The following CREB3L1 variants were observed in gnomAD, a reference collection of about 807,000 sequenced individuals.
CREB3L1 encodes the protein cyclic AMP-responsive element-binding protein 3-like protein 1.
In CREB3L1, 33 loss-of-function variants were observed where a neutral mutation model predicts 54.5. The ratio of observed to expected loss-of-function variants is 0.61; its 90% CI spans 0.46 to 0.81. CREB3L1 has a LOEUF of 0.81. Among genes scored for constraint, CREB3L1 ranks in the 30% least tolerant of loss-of-function variants. The pLI is 0.00. For synonymous variants in CREB3L1, 284 were observed against 286.4 expected (o/e 0.99, Z 0.08); for missense variants, 656 against 673.3 (o/e 0.97, Z 0.29).
At chr11:46,286,448 T>C (rs1394576489) in intron 1 of CREB3L1, among the ~76,000 whole-genome samples, 1 of 152,224 alleles carries the variant, frequency 6.6e-6, no homozygotes, top group Non-Finnish European at 1.5e-5. Context: ...ATAGACTGTA[T>C]ATCTATCAGT....
chr11:46,307,982 G>C lies in CREB3L1; in HGVS notation c.498G>C (p.Arg166Ser). ...TPLLGLSPLSRLPIPHQAPGE... is the reference protein window; with the variant it reads ...TPLLGLSPLSSLPIPHQAPGE... ...TGCTGGGCCTCAGCCCCTTGTCCAG[G>C]CTGCCCATCCCCCACCAGGTGAGCC... The change falls in exon 3 of 12, where the codon AGG becomes AGC. Residue 166 changes from arginine (R) to serine (S), a missense_variant. Around this residue, in one of 3 missense-constraint regions of CREB3L1, gnomAD observed 339 missense variants for 331.5 expected, o/e 1.02. Coordinates refer to ENST00000621158, the MANE Select transcript of CREB3L1 (RefSeq NM_052854.4). 1 of 1,553,280 alleles carries C rather than the reference G, an allele frequency of 6.4e-7. No individual in the cohort carries two copies. The highest frequency in any genetic ancestry group is 8.7e-7 in the Non-Finnish European group (1 of 1,151,308).
chr11:46,289,267 T>G (rs1939100394), intron 1 of CREB3L1, among the ~76,000 whole-genome samples: 1 of 152,078 alleles, frequency 6.6e-6, no homozygotes, highest in South Asian at 2.1e-4. Flanking sequence ...TAGTCCCAGC[T>G]ACTTGAGAGG....
chr11:46,311,513 T>A (rs1253923439), intron 5 of CREB3L1, among the ~76,000 whole-genome samples: 5 of 151,400 alleles, frequency 3.3e-5, no homozygotes, highest in South Asian at 2.1e-4. Context: ...TTTGTTTGTT[T>A]TTTTTTTTTG....
At chr11:46,310,879 AG>A in intron 4 of CREB3L1, 152 bp from the exon 5 acceptor site, 1 of 1,176,984 alleles carries the variant, frequency 8.5e-7, no homozygotes, top group Non-Finnish European at 1.1e-6. Context: ...GACCCTGCAG[AG>A]GGGCTTCTGA....
rs1361730422 is a variant in CREB3L1, at chr11:46,317,454, CT to C, written c.1226del (p.Leu409ArgfsTer74). 6.2e-7 allele frequency: 1 copy of C among 1,612,638 alleles called. No individual in the cohort carries two copies. Among genetic ancestry groups the C allele is most frequent in the African/African-American group, 1.3e-5 (1 of 74,938 alleles). Reference protein sequence around the residue: ...SGSQTVKEDPLAADGVYTASQ... With the variant: ...SGSQTVKEDPXAADGVYTASQ... ...CTCCCAGACTGTGAAGGAAGACCCC[CT>C]GGCCGCAGACGGCGTCTACACGGCC... is the stretch of plus-strand genomic sequence containing the variant. On this transcript the variant is annotated frameshift_variant, in exon 10 of 12. Coordinates refer to ENST00000621158, the MANE Select transcript of CREB3L1 (RefSeq NM_052854.4). LOFTEE classifies it high-confidence loss of function.
chr11:46,304,786 G>A (rs1162812922), intron 2 of CREB3L1, among the ~76,000 whole-genome samples: 1 of 151,940 alleles, frequency 6.6e-6, no homozygotes, highest in Admixed American at 6.6e-5. Flanking sequence ...CAACCTCCTG[G>A]CCTCAAGCGA....
intron 1 of CREB3L1, among the ~76,000 whole-genome samples, chr11:46,289,265 G>A (rs1054184357): frequency 2.0e-5 from 3 of 152,176 alleles, no homozygotes; most frequent in Non-Finnish European, 2.9e-5. Context: ...TGTAGTCCCA[G>A]CTACTTGAGA....
intron 2 of CREB3L1, among the ~76,000 whole-genome samples, chr11:46,305,763 A>G (rs1590346884): frequency 2.9e-5 from 4 of 135,968 alleles, no homozygotes; most frequent in Admixed American, 7.7e-5. Flanking sequence ...TTTAAGACGG[A>G]GTCTCGCTCT....
In CREB3L1 at chr11:46,308,402, T is replaced by C. The variant is rs181075204; in HGVS notation, c.516+402T>C. ...AAGGAAATTACAAAAAAAAGTGTGC[T>C]ATATTCCAATTGTTTACATTTATGA... On this transcript the variant is annotated intron_variant, in intron 3 of 11. Transcript: ENST00000621158. 3.6e-3 allele frequency among the ~76,000 whole-genome samples: 546 copies of C among 152,354 alleles called. 1 individual carries two copies. Among genetic ancestry groups the C allele is most frequent in the African/African-American group, 0.013 (527 of 41,582 alleles).
intron 1 of CREB3L1, among the ~76,000 whole-genome samples, chr11:46,280,187 TTTG>T (rs1433611847): frequency 8.4e-5 from 12 of 143,652 alleles, no homozygotes; most frequent in African/African-American, 2.1e-4. Context: ...TTTTTTGTTT[TTTG>T]TTTTTTGTTT....
intron 8 of CREB3L1, chr11:46,315,159 C>A: frequency 3.2e-6 from 1 of 310,780 alleles, no homozygotes; most frequent in Non-Finnish European, 6.6e-6. Context: ...TCTTTCCTTC[C>A]TTCTCCCCCA....
intron 8 of CREB3L1, chr11:46,315,164 C>A: frequency 3.1e-6 from 1 of 317,860 alleles, no homozygotes; most frequent in Non-Finnish European, 6.4e-6. Flanking sequence ...CCTTCCTTCT[C>A]CCCCAGCTTC....
intron 2 of CREB3L1, among the ~76,000 whole-genome samples, chr11:46,306,943 A>G (rs1014190981): frequency 3.3e-5 from 5 of 150,178 alleles, no homozygotes; most frequent in Non-Finnish European, 7.4e-5. Flanking sequence ...GTGCGATCTC[A>G]GCCCACTGCA....
chr11:46,290,229 C>T (rs1939110412), intron 1 of CREB3L1, among the ~76,000 whole-genome samples: 1 of 152,176 alleles, frequency 6.6e-6, no homozygotes, highest in South Asian at 2.1e-4. Flanking sequence ...CCAGCCTGAA[C>T]CATGTCCTGG....
rs1262672060 is a variant in CREB3L1 at position 46,295,567 on chromosome 11, C to T, written c.103-4368C>T. On this transcript the variant is annotated intron_variant, in intron 1 of 11. Transcript: ENST00000621158. This position sits in a 1 kb window ranked among gnomAD's most constrained non-coding sequence, Gnocchi z 4.6. The stretch of plus-strand genomic sequence containing the variant: ...GCCAGTGCACCCTGCGCTCCCTCAG[C>T]CGCGGGCCGTCGGCGCAGGCCGGGA... Among the ~76,000 whole-genome samples the T allele has an allele frequency of 6.6e-6, 1 of 152,240 alleles. No homozygotes were observed. The highest frequency in any genetic ancestry group is 1.9e-4 in the East Asian group (1 of 5,188).
intron 3 of CREB3L1, among the ~76,000 whole-genome samples, chr11:46,309,123 G>A (rs539530414): frequency 2.6e-5 from 4 of 152,294 alleles, no homozygotes; most frequent in East Asian, 1.9e-4. Context: ...TCTCTGCACC[G>A]CAGTCCCCTC....
intron 1 of CREB3L1, among the ~76,000 whole-genome samples, chr11:46,286,907 G>A (rs1279170821): frequency 3.3e-5 from 5 of 152,210 alleles, no homozygotes; most frequent in Non-Finnish European, 1.5e-5. Flanking sequence ...TTGGGACAGA[G>A]GTGAGCTGTA....
intron 1 of CREB3L1, among the ~76,000 whole-genome samples, chr11:46,297,660 A>T (rs1939232948): frequency 6.6e-6 from 1 of 152,240 alleles, no homozygotes; most frequent in Non-Finnish European, 1.5e-5. Context: ...TAAAAGCACA[A>T]CAGAAATGTA....
At chr11:46,300,663 GT>G (rs1379113909) in intron 2 of CREB3L1, among the ~76,000 whole-genome samples, 1 of 151,986 alleles carries the variant, frequency 6.6e-6, no homozygotes, top group Non-Finnish European at 1.5e-5. Flanking sequence ...GAGGTCAGGA[GT>G]TCGAGACCAG....
Sources: gnomAD v4.1 joint callset for allele counts (sites outside exome capture counted in the v4.1 genomes callset) on GRCh38, gnomAD v4.1.1 for gene constraint, gnomAD v4.1.1 regional missense constraint, Gnocchi (gnomAD v3.1) non-coding constraint, MANE v1.5 for transcripts, NCBI Gene and HGNC (gene_info 2026-07-23, HGNC 2026-07-21) for gene names.